The following SUMF1 variants were observed in gnomAD, a reference collection of about 807,000 sequenced individuals.
SUMF1 encodes sulfatase modifying factor 1, also known as formylglycine-generating enzyme.
In SUMF1, 48 loss-of-function variants were observed where a neutral mutation model predicts 47.6. The ratio of observed to expected loss-of-function variants is 1.01; its 90% CI spans 0.80 to 1.28. The LOEUF (loss-of-function observed/expected upper bound fraction) is 1.28, where lower values mean the gene tolerates loss of function less well. SUMF1 is among the 50% of genes most tolerant of loss of function. SUMF1 has a pLI of 0.00. For missense variants in SUMF1, 571 were observed against 485.4 expected, an observed-to-expected ratio of 1.18 and a Z score of -1.66; for synonymous variants, 230 against 192.1, an observed-to-expected ratio of 1.20 and a Z score of -1.63.
intron 8 of SUMF1, among the ~76,000 whole-genome samples, chr3:4,188,423 GT>G (rs1559549733): frequency 1.3e-5 from 2 of 151,924 alleles, no homozygotes; most frequent in Admixed American, 1.3e-4. Context: ...TATTTTCACT[GT>G]CCTAAAAATC....
At chr3:4,184,151 A>T (rs1559546241) in intron 8 of SUMF1, among the ~76,000 whole-genome samples, 1 of 151,704 alleles carries the variant, frequency 6.6e-6, no homozygotes. Context: ...AAATTAAAAA[A>T]AAAAAAGAAA....
chr3:4,226,001 C>T (rs902464297), intron 8 of SUMF1, among the ~76,000 whole-genome samples: 4 of 152,022 alleles, frequency 2.6e-5, no homozygotes, highest in Non-Finnish European at 5.9e-5. Flanking sequence ...GAGGAGGACA[C>T]CAGCCTCACA....
intron 8 of SUMF1, among the ~76,000 whole-genome samples, chr3:4,172,816 T>C (rs1040836561): frequency 3.9e-5 from 6 of 152,208 alleles, no homozygotes; most frequent in Non-Finnish European, 7.3e-5. Context: ...AGGTTGCCTG[T>C]TCACTCTGAT....
intron 8 of SUMF1, among the ~76,000 whole-genome samples, chr3:4,136,692 A>G (rs9757567): frequency 0.77 from 110,632 of 143,968 alleles, 42,966 homozygotes; most frequent in Admixed American, 0.82. Flanking sequence ...GCAACCTACA[A>G]CATGGGAGAA....
intron 8 of SUMF1, among the ~76,000 whole-genome samples, chr3:4,188,379 T>A (rs1242571936): frequency 1.3e-5 from 2 of 152,138 alleles, no homozygotes; most frequent in Admixed American, 6.6e-5. Context: ...TCTAATATAA[T>A]GGCATGTATC....
At chr3:4,048,206 C>A (rs1375783626) in intron 9 of SUMF1, among the ~76,000 whole-genome samples, 1 of 152,108 alleles carries the variant, frequency 6.6e-6, no homozygotes, top group East Asian at 1.9e-4. Context: ...ACAAAACTTT[C>A]TCTAACCCCC....
intron 8 of SUMF1, among the ~76,000 whole-genome samples, chr3:4,284,413 A>C (rs967579768): frequency 9.7e-5 from 14 of 144,222 alleles, no homozygotes; most frequent in East Asian, 7.9e-4. Flanking sequence ...ACTCTGTCCC[A>C]AAAAAAAAAT....
chr3:4,167,163 C>G (rs1041065239), intron 8 of SUMF1, among the ~76,000 whole-genome samples: 1 of 152,038 alleles, frequency 6.6e-6, no homozygotes, highest in African/African-American at 2.4e-5. Context: ...GTGAGTGTTA[C>G]AGCTCTTAAA....
chr3:4,120,307 G>C (rs994694720), intron 8 of SUMF1, among the ~76,000 whole-genome samples: 4 of 151,742 alleles, frequency 2.6e-5, no homozygotes, highest in African/African-American at 7.3e-5. Flanking sequence ...AATTTTGTTA[G>C]ATGAGCCAAC....
At chr3:4,131,311 T>A (rs1256353811) in intron 8 of SUMF1, among the ~76,000 whole-genome samples, 1 of 152,134 alleles carries the variant, frequency 6.6e-6, no homozygotes, top group Admixed American at 6.5e-5. Context: ...ATGGTCTCCA[T>A]TTCTGCCACC....
At chr3:4,236,802 G>A (rs528438213) in intron 8 of SUMF1, among the ~76,000 whole-genome samples, 1 of 152,092 alleles carries the variant, frequency 6.6e-6, no homozygotes, top group East Asian at 1.9e-4. Context: ...CCTTAGTGTT[G>A]TACATTCTAT....
chr3:4,119,492 C>T (rs1574900302), intron 8 of SUMF1, among the ~76,000 whole-genome samples: 1 of 152,086 alleles, frequency 6.6e-6, no homozygotes, highest in Non-Finnish European at 1.5e-5. Flanking sequence ...CCTTCATCAC[C>T]CCACCTGGTC....
chr3:4,183,082 A>AACTG (rs1201761010), intron 8 of SUMF1, among the ~76,000 whole-genome samples: 1 of 152,170 alleles, frequency 6.6e-6, no homozygotes, highest in East Asian at 1.9e-4. Context: ...AACTTGTCTG[A>AACTG]ACTGCCTTGG....
chr3:4,152,560 T>C (rs1432957650), intron 8 of SUMF1, among the ~76,000 whole-genome samples: 3 of 151,460 alleles, frequency 2.0e-5, no homozygotes, highest in African/African-American at 4.9e-5. Flanking sequence ...CCCACAGTGC[T>C]GGGATTACAG....
chr3:4,265,873 T>C (rs1474349849), intron 8 of SUMF1, among the ~76,000 whole-genome samples: 1 of 152,196 alleles, frequency 6.6e-6, no homozygotes, highest in African/African-American at 2.4e-5. Flanking sequence ...GTCTAACGTT[T>C]AAATCTTTAA....
intron 8 of SUMF1, among the ~76,000 whole-genome samples, chr3:4,215,235 G>GT (rs1181415278): frequency 6.6e-6 from 1 of 152,116 alleles, no homozygotes; most frequent in African/African-American, 2.4e-5. Context: ...TGCAAGGCTG[G>GT]TTCAACATAT....
chr3:4,235,670 C>A (rs1274757309), intron 8 of SUMF1, among the ~76,000 whole-genome samples: 1 of 152,078 alleles, frequency 6.6e-6, no homozygotes, highest in Non-Finnish European at 1.5e-5. Flanking sequence ...CTAGGCCCTT[C>A]TCTGGACATT....
At chr3:4,236,119 A>G (rs1373781853) in intron 8 of SUMF1, among the ~76,000 whole-genome samples, 1 of 152,054 alleles carries the variant, frequency 6.6e-6, no homozygotes, top group Admixed American at 6.6e-5. Flanking sequence ...AATTTTTTGT[A>G]TAGATGGGGT....
At chr3:4,416,295 T>A (rs917924274) in intron 6 of SUMF1, among the ~76,000 whole-genome samples, 5 of 152,030 alleles carry the variant, frequency 3.3e-5, no homozygotes, top group African/African-American at 4.8e-5. Context: ...TACAAGATGT[T>A]CACTGTAGAA....
Sources: allele counts gnomAD v4.1 joint callset (sites outside exome capture counted in the v4.1 genomes callset), GRCh38; gene constraint gnomAD v4.1.1; transcripts MANE v1.5; gene names NCBI Gene and HGNC (gene_info 2026-07-23, HGNC 2026-07-21).